Variants in TLR6 observed in about 807,000 individuals in gnomAD.
TLR6 encodes toll-like receptor 6.
A neutral mutation model predicts 16.1 loss-of-function variants in TLR6; 9 were observed. The ratio of observed to expected loss-of-function variants is 0.56; its 90% CI spans 0.34 to 0.98. TLR6 has a LOEUF of 0.98. Among genes scored for constraint, TLR6 ranks in the 50% least tolerant of loss-of-function variants. TLR6 has a pLI of 0.02. For missense variants in TLR6, 786 were observed against 921.0 expected, an observed-to-expected ratio of 0.85 and a Z score of 1.90; for synonymous variants, 340 against 338.6, an observed-to-expected ratio of 1.00 and a Z score of -0.04.
intron 1 of TLR6, among the ~76,000 whole-genome samples, chr4:38,850,890 A>T (rs1712743469): frequency 6.6e-6 from 1 of 152,228 alleles, no homozygotes; most frequent in African/African-American, 2.4e-5. Flanking sequence ...TGAGGCCAGC[A>T]TCATCCTGAT....
intron 1 of TLR6, among the ~76,000 whole-genome samples, chr4:38,855,421 A>G (rs1204287918): frequency 4.6e-5 from 7 of 152,172 alleles, no homozygotes; most frequent in African/African-American, 1.7e-4. Flanking sequence ...CTCATTTTGA[A>G]TGTCCTTTAT....
At position 38,827,601 on chromosome 4, in the gene TLR6, G is replaced by A. The variant is rs375362297; in HGVS notation, c.1873C>T (p.Arg625Trp). The A allele has an allele frequency of 1.5e-5, 25 of 1,614,026 alleles. No individual in the cohort carries two copies. Among genetic ancestry groups the A allele is most frequent in the Admixed American group, 3.3e-5 (2 of 60,002 alleles). ...AAGGGTATGTTCCTGGCCCTGCGCC[G>A]AGTCTGGGTCCACTGGCACACCATC... The change falls in exon 2 of 2, where the codon CGG (arginine) becomes TGG (tryptophan). Residue 625 changes from arginine (R) to tryptophan (W), a missense_variant. Arg to Trp is a moderately radical substitution (Grantham distance 101). Transcript: ENST00000436693.
Position 38,839,329 on chromosome 4 carries a change from T to C in TLR6, c.-64-9792A>G, listed in dbSNP as rs543654242. 5.3e-5 allele frequency among the ~76,000 whole-genome samples: 8 copies of C among 151,066 alleles called. 1 individual carries two copies. The South Asian group carries it at 1.7e-3, about 32-fold the overall frequency. On this transcript the variant is annotated intron_variant, in intron 1 of 1. Coordinates refer to ENST00000436693, the Ensembl canonical transcript of TLR6. ...TTTTTTTAAAAAAAATTAATAGAAA[T>C]GGAAAAAGCATAGACATTGGACTTA...
the TLR6 span, chr4:38,868,102 C>A: frequency 6.5e-6 from 2 of 309,354 alleles, no homozygotes; most frequent in Admixed American, 3.4e-5. Context: ...CACGCTCATG[C>A]ACACACCCAC....
chr4:38,856,836 CAAGTTCTTA>C (rs1366906682), upstream of TLR6: 1 of 148,294 alleles, frequency 6.7e-6, no homozygotes, highest in Non-Finnish European at 1.5e-5. Flanking sequence ...TTGACAAACA[CAAGTTCTTA>C]AAGTTGAGTA....
At chr4:38,861,927 G>A in the TLR6 span, among the ~76,000 whole-genome samples, 1 of 152,260 alleles carries the variant, frequency 6.6e-6, no homozygotes, top group South Asian at 2.1e-4. Context: ...ACCAGCTCCA[G>A]GCCAGACTTC....
intron 1 of TLR6, among the ~76,000 whole-genome samples, 183 bp from the exon 2 acceptor site, chr4:38,829,720 T>C (rs1727739229): frequency 6.6e-6 from 1 of 152,220 alleles, no homozygotes; most frequent in African/African-American, 2.4e-5. Flanking sequence ...AGGGGCAATA[T>C]AGGCCTTGTT....
chr4:38,845,611 G>T (rs1422916080), intron 1 of TLR6, among the ~76,000 whole-genome samples: 1 of 152,192 alleles, frequency 6.6e-6, no homozygotes, highest in East Asian at 1.9e-4. Flanking sequence ...GCCTCTAGAA[G>T]TTTGAAAAGG....
At chr4:38,859,625 C>T (rs1409679652), upstream of TLR6, among the ~76,000 whole-genome samples, 1 of 135,584 alleles carries the variant, frequency 7.4e-6, no homozygotes, top group African/African-American at 2.9e-5. Flanking sequence ...AGTGCAGTGG[C>T]GTGATCACAG....
chr4:38,859,424 T>C (rs573398824), upstream of TLR6, among the ~76,000 whole-genome samples: 25 of 152,324 alleles, frequency 1.6e-4, no homozygotes, highest in African/African-American at 5.8e-4. Context: ...TCTGTGGTGA[T>C]TTGTCATGGT....
At chr4:38,826,940 C>G (rs977852353) in exon 2 of TLR6, 1 of 700,016 alleles carries the variant, frequency 1.4e-6, no homozygotes, top group Non-Finnish European at 2.3e-6. Context: ...TAGCTCAGTT[C>G]CCCAGATGAA....
intron 1 of TLR6, among the ~76,000 whole-genome samples, chr4:38,835,541 C>CTCACACATGTTCTCAGCCACAATGT (rs1429225010): frequency 6.6e-6 from 1 of 152,186 alleles, no homozygotes; most frequent in Non-Finnish European, 1.5e-5. Flanking sequence ...CAACATCCCA[C>CTCACACATGTTCTCAGCCACAATGT]TCTCAGCATT....
chr4:38,842,930 T>G (rs571756922), intron 1 of TLR6, among the ~76,000 whole-genome samples: 4 of 152,278 alleles, frequency 2.6e-5, no homozygotes, highest in Non-Finnish European at 5.9e-5. Flanking sequence ...TGGGTATTTT[T>G]CCAACCAACA....
At chr4:38,828,870 C>G in exon 2 of TLR6, 1 of 1,613,802 alleles carries the variant, frequency 6.2e-7, no homozygotes, top group Non-Finnish European at 8.5e-7. Flanking sequence ...GGGTGAAAAA[C>G]AAGGTGAAGG....
At chr4:38,823,800 C>A (rs966559326) in exon 2 of TLR6, 1 of 152,206 alleles carries the variant, frequency 6.6e-6, no homozygotes, top group Non-Finnish European at 1.5e-5. Context: ...CGCATCCTAC[C>A]GGGGCAATGG....
chr4:38,843,781 C>A (rs12498996), intron 1 of TLR6: 3,085 of 152,328 alleles, frequency 0.02, 47 homozygotes, highest in Non-Finnish European at 0.026. Flanking sequence ...TTTGAAAAAT[C>A]CACTTGGCCA....
chr4:38,843,073 A>T (rs1327767810), intron 1 of TLR6, among the ~76,000 whole-genome samples: 1 of 152,214 alleles, frequency 6.6e-6, no homozygotes, highest in Admixed American at 6.5e-5. Flanking sequence ...GGAAGAGATA[A>T]CTACTTTCTC....
intron 1 of TLR6, among the ~76,000 whole-genome samples, chr4:38,849,786 T>C (rs992002894): frequency 3.9e-5 from 6 of 152,144 alleles, no homozygotes; most frequent in Admixed American, 2.0e-4. Flanking sequence ...ACAATAATAA[T>C]GGGAGACTTT....
upstream of TLR6, among the ~76,000 whole-genome samples, chr4:38,858,832 G>GAAGAGAGA (rs1713115219): frequency 2.0e-5 from 1 of 50,870 alleles, no homozygotes; most frequent in Non-Finnish European, 3.3e-5. Flanking sequence ...AGAGAGAGAG[G>GAAGAGAGA]AAGAAAGAAA....
Sources: allele counts gnomAD v4.1 joint callset (sites outside exome capture counted in the v4.1 genomes callset), GRCh38; gene constraint gnomAD v4.1.1; transcripts MANE v1.5; gene names NCBI Gene and HGNC (gene_info 2026-07-23, HGNC 2026-07-21).